FAM163A: variants seen among roughly 807,000 people sequenced by gnomAD.
FAM163A encodes the protein protein FAM163A.
Under a neutral mutation model 12.0 loss-of-function variants are expected in FAM163A, and 7 were observed. The ratio of observed to expected loss-of-function variants is 0.58; its 90% CI spans 0.33 to 1.10. The LOEUF is 1.10. FAM163A is among the 50% of genes least tolerant of loss of function. The pLI, the probability that FAM163A is intolerant of heterozygous loss-of-function variation, is 0.03. For missense variants in FAM163A, 202 were observed against 218.6 expected (o/e 0.92, Z 0.48); for synonymous variants, 101 against 91.0 (o/e 1.11, Z -0.62).
chr1:179,782,607 G>A (rs941856670), intron 1 of FAM163A, among the ~76,000 whole-genome samples: 11 of 152,182 alleles, frequency 7.2e-5, no homozygotes, highest in African/African-American at 2.4e-4. Context: ...ATCCTTCCCA[G>A]GCACCCTGAA....
intron 1 of FAM163A, among the ~76,000 whole-genome samples, chr1:179,770,188 A>T (rs1688085714): frequency 6.6e-6 from 1 of 151,556 alleles, no homozygotes. Context: ...TACAGGTGTG[A>T]GCCACCGCGC....
rs942928599 is a variant in FAM163A at position 179,814,577 on chromosome 1, G to A, written c.*388G>A. 5.8e-6 allele frequency: 1 copy of A among 173,886 alleles called. No individual in the cohort carries two copies. Among genetic ancestry groups the A allele is most frequent in the East Asian group, 1.6e-4 (1 of 6,162 alleles). 10.8% of individuals were successfully genotyped at this position (173,886 alleles called of 1,614,324 possible). A position where few individuals can be genotyped will look rare whatever the true frequency, so the allele number is the denominator to read the frequency against. The stretch of plus-strand genomic sequence containing the variant: ...CTCAGGAGGCCTCCCGGGTCCTCGG[G>A]AGATGAAGCATCCGTGCCTAGGAAA... On this transcript the variant is annotated 3_prime_UTR_variant, in exon 5 of 5. Transcript: ENST00000341785.
intron 1 of FAM163A, among the ~76,000 whole-genome samples, chr1:179,743,633 G>A (rs1427519312): frequency 1.3e-5 from 2 of 152,184 alleles, no homozygotes; most frequent in Non-Finnish European, 2.9e-5. Context: ...TCCCCACTGG[G>A]TCTGGGTCTG....
intron 1 of FAM163A, among the ~76,000 whole-genome samples, chr1:179,787,419 A>G (rs1690792012): frequency 2.6e-5 from 4 of 152,230 alleles, no homozygotes; most frequent in Admixed American, 2.6e-4. Flanking sequence ...TGAACAAGGC[A>G]TAGCCCCTGC....
chr1:179,732,303 C>T, the FAM163A span, among the ~76,000 whole-genome samples: 3 of 152,136 alleles, frequency 2.0e-5, no homozygotes, highest in African/African-American at 7.2e-5. Flanking sequence ...GTGACCCATG[C>T]CAAAACAGAA....
intron 1 of FAM163A, among the ~76,000 whole-genome samples, chr1:179,746,735 C>A (rs1684516200): frequency 2.0e-5 from 3 of 152,324 alleles, no homozygotes; most frequent in Non-Finnish European, 2.9e-5. Flanking sequence ...AAACACTTTT[C>A]CAGCTTAACA....
the FAM163A span, among the ~76,000 whole-genome samples, chr1:179,731,514 A>G: frequency 6.6e-6 from 1 of 152,260 alleles, no homozygotes; most frequent in Non-Finnish European, 1.5e-5. Flanking sequence ...AGTTTGCTCC[A>G]TAAGGCATGA....
intron 1 of FAM163A, among the ~76,000 whole-genome samples, chr1:179,801,001 A>G (rs904658211): frequency 6.6e-6 from 1 of 152,164 alleles, no homozygotes; most frequent in Non-Finnish European, 1.5e-5. Flanking sequence ...GCGGAAACCC[A>G]AACTCTGTTC....
chr1:179,769,992 G>A (rs1389547512), intron 1 of FAM163A, among the ~76,000 whole-genome samples: 10 of 130,740 alleles, frequency 7.6e-5, no homozygotes, highest in Admixed American at 2.8e-4. Flanking sequence ...TGCAAGCTCC[G>A]CCTCCCAGGT....
chr1:179,731,298 G>A, the FAM163A span, among the ~76,000 whole-genome samples: 1 of 152,174 alleles, frequency 6.6e-6, no homozygotes, highest in Non-Finnish European at 1.5e-5. Flanking sequence ...ACCATGAAAA[G>A]CTACAAATGT....
chr1:179,804,742 G>A (rs1291117320), intron 1 of FAM163A, among the ~76,000 whole-genome samples: 1 of 152,190 alleles, frequency 6.6e-6, no homozygotes, highest in African/African-American at 2.4e-5. Flanking sequence ...CATATAAGTG[G>A]GAGCTAAATG....
In FAM163A at chr1:179,801,199, AT is replaced by A. The variant is rs370120882; in HGVS notation, c.-135-6597del. ...GGAGACACCAACACAAACACTTGGA[AT>A]TAAATAAGACACCTCCCAATTCCTG... is the stretch of plus-strand genomic sequence containing the variant. On this transcript the variant is annotated intron_variant, in intron 1 of 4. Transcript: ENST00000341785. Among the ~76,000 whole-genome samples, 1,438 of 152,198 alleles carry A rather than the reference AT, an allele frequency of 9.4e-3. 21 individuals are homozygous for A. The highest frequency in any genetic ancestry group is 0.033 in the African/African-American group (1,370 of 41,562).
At chr1:179,734,513 T>C in the FAM163A span, among the ~76,000 whole-genome samples, 1 of 152,204 alleles carries the variant, frequency 6.6e-6, no homozygotes, top group African/African-American at 2.4e-5. Flanking sequence ...TGGGAAGTCC[T>C]AAATCAAGGT....
intron 1 of FAM163A, among the ~76,000 whole-genome samples, chr1:179,753,673 G>A (rs920444042): frequency 1.2e-4 from 19 of 152,136 alleles, no homozygotes; most frequent in Non-Finnish European, 1.5e-4. Flanking sequence ...ATGGTGGTGG[G>A]AAGGCAAGAA....
intron 1 of FAM163A, among the ~76,000 whole-genome samples, chr1:179,778,736 A>G (rs1034878671): frequency 1.3e-5 from 2 of 152,088 alleles, no homozygotes; most frequent in Non-Finnish European, 2.9e-5. Context: ...AAAGGCCTGC[A>G]GTGGTGTGCA....
intron 1 of FAM163A, among the ~76,000 whole-genome samples, chr1:179,764,023 G>A (rs567534599): frequency 6.6e-6 from 1 of 152,174 alleles, no homozygotes; most frequent in Non-Finnish European, 1.5e-5. Context: ...GAGAGAGAGT[G>A]CATGCTCTTT....
chr1:179,793,758 C>T (rs983388186), intron 1 of FAM163A, among the ~76,000 whole-genome samples: 1 of 152,208 alleles, frequency 6.6e-6, no homozygotes, highest in Non-Finnish European at 1.5e-5. Context: ...TGAAAGAAAG[C>T]AACAGCCCTG....
chr1:179,764,124 G>T (rs939284630), intron 1 of FAM163A, among the ~76,000 whole-genome samples: 1 of 152,198 alleles, frequency 6.6e-6, no homozygotes, highest in Non-Finnish European at 1.5e-5. Flanking sequence ...AGAAACAAGT[G>T]TCACAGAACT....
chr1:179,757,520 G>T (rs2148023357), intron 1 of FAM163A, among the ~76,000 whole-genome samples: 1 of 152,250 alleles, frequency 6.6e-6, no homozygotes, highest in Admixed American at 6.5e-5. Context: ...TGCTAAGAGT[G>T]AAGAGGATTG....
Sources: allele counts gnomAD v4.1 joint callset (sites outside exome capture counted in the v4.1 genomes callset), GRCh38; gene constraint gnomAD v4.1.1; transcripts MANE v1.5; gene names NCBI Gene and HGNC (gene_info 2026-07-23, HGNC 2026-07-21).